The following OSBPL9 variants were observed in gnomAD, a reference collection of about 807,000 sequenced individuals.
The protein encoded by OSBPL9 is oxysterol binding protein like 9.
A neutral mutation model predicts 106.6 loss-of-function variants in OSBPL9; 40 were observed. The observed-to-expected ratio is 0.38, with a 90% CI of 0.29 to 0.49. The LOEUF (loss-of-function observed/expected upper bound fraction) is 0.49. OSBPL9 is among the 20% of genes least tolerant of loss of function. OSBPL9 has a pLI of 0.97. For missense variants in OSBPL9, 609 were observed against 887.2 expected (o/e 0.69, Z 3.98); for synonymous variants, 269 against 295.4 (o/e 0.91, Z 0.92).
the OSBPL9 span, among the ~76,000 whole-genome samples, chr1:51,538,143 T>G: frequency 6.6e-6 from 1 of 151,924 alleles, no homozygotes; most frequent in African/African-American, 2.4e-5. Flanking sequence ...AATACAAAAT[T>G]TAGCCGGGCA....
At chr1:51,569,995 C>T in the OSBPL9 span, among the ~76,000 whole-genome samples, 145 of 152,306 alleles carry the variant, frequency 9.5e-4, no homozygotes, top group Middle Eastern at 3.4e-3. Flanking sequence ...AGCAAGGAGC[C>T]AAGCTGGAAT....
intron 2 of OSBPL9, among the ~76,000 whole-genome samples, chr1:51,610,166 A>G (rs1643976597): frequency 2.0e-5 from 3 of 152,248 alleles, no homozygotes; most frequent in African/African-American, 7.2e-5. Context: ...TGTGGAACAT[A>G]GTAAAGGTAA....
chr1:51,786,358 CCACT>C (rs2149166003), intron 21 of OSBPL9, 164 bp from the exon 22 acceptor site: 1 of 573,590 alleles, frequency 1.7e-6, no homozygotes, highest in African/African-American at 1.9e-5. Context: ...GTACTACTGC[CCACT>C]CAGTGTTCTT....
rs1303398504 is a variant in OSBPL9 at position 51,638,660 on chromosome 1, A to G, written c.112-13331A>G. Among the ~76,000 whole-genome samples the G allele has an allele frequency of 2.6e-5, 4 of 152,178 alleles. No homozygotes were observed. The South Asian group carries it at 6.2e-4, about 24-fold the overall frequency. On this transcript the variant is annotated intron_variant, in intron 1 of 23. Transcript: ENST00000428468. ...TGAGGCAGGCAGATCCCTTGAGTTC[A>G]GGAGTTAGTGACCAGCCTGGGCAAC...
At chr1:51,740,045 T>A in intron 4 of OSBPL9, 1 of 1,446,910 alleles carries the variant, frequency 6.9e-7, no homozygotes, top group Non-Finnish European at 9.4e-7. Context: ...CTCTGTGTAG[T>A]TACAGATTTT....
chr1:51,696,516 C>G (rs1007475819), intron 3 of OSBPL9, among the ~76,000 whole-genome samples: 1 of 152,170 alleles, frequency 6.6e-6, no homozygotes, highest in Non-Finnish European at 1.5e-5. Context: ...TTCAGTGATT[C>G]TAGTCGTTGC....
chr1:51,643,059 TAA>T lies in OSBPL9; in HGVS notation c.112-8931_112-8930del, dbSNP rs201982661. ...AGCATAGTGTCTTCTTGCTGCTTCA[TAA>T]CATGGTGGAGGGCATCACATGGTGA... On this transcript the variant is annotated intron_variant, in intron 1 of 23. Coordinates refer to ENST00000428468, the MANE Select transcript of OSBPL9 (RefSeq NM_024586.6). Among the ~76,000 whole-genome samples the T allele has an allele frequency of 6.8e-3, 1,030 of 152,292 alleles. 2 individuals carry two copies. The highest frequency in any genetic ancestry group is 0.011 in the Non-Finnish European group (757 of 68,016).
upstream of OSBPL9, among the ~76,000 whole-genome samples, chr1:51,573,181 C>T (rs568076923): frequency 6.7e-6 from 1 of 150,142 alleles, no homozygotes; most frequent in African/African-American, 2.5e-5. Context: ...CACTACACTC[C>T]AGCCTGGGTG....
the OSBPL9 span, among the ~76,000 whole-genome samples, chr1:51,538,148 C>T: frequency 2.3e-4 from 35 of 152,062 alleles, no homozygotes; most frequent in East Asian, 1.2e-3. Context: ...AAAATTTAGC[C>T]GGGCATGGTA....
At chr1:51,761,433 T>G (rs1020509894) in intron 10 of OSBPL9, among the ~76,000 whole-genome samples, 2 of 152,212 alleles carry the variant, frequency 1.3e-5, no homozygotes, top group African/African-American at 4.8e-5. Context: ...TGGAAAACTC[T>G]TTTTAAAAGT....
At chr1:51,703,764 T>C (rs1657822815) in intron 3 of OSBPL9, among the ~76,000 whole-genome samples, 2 of 152,236 alleles carry the variant, frequency 1.3e-5, no homozygotes, top group African/African-American at 4.8e-5. Flanking sequence ...CAGTATGATA[T>C]TGGCTGTGGG....
chr1:51,664,777 T>G (rs1648030297), intron 2 of OSBPL9, among the ~76,000 whole-genome samples: 1 of 152,192 alleles, frequency 6.6e-6, no homozygotes, highest in Non-Finnish European at 1.5e-5. Flanking sequence ...ATCTTTGGAA[T>G]GGAGGGTTGG....
intron 1 of OSBPL9, among the ~76,000 whole-genome samples, chr1:51,638,824 A>AAAAATC (rs1645607304): frequency 1.3e-5 from 2 of 152,104 alleles, no homozygotes; most frequent in Admixed American, 1.3e-4. Context: ...AAATAAAAAT[A>AAAAATC]AAAATCTGAA....
the OSBPL9 span, among the ~76,000 whole-genome samples, chr1:51,550,323 A>G: frequency 2.6e-5 from 4 of 152,232 alleles, no homozygotes; most frequent in Admixed American, 2.6e-4. Context: ...AACAAGTGAC[A>G]ATTATTTAAA....
chr1:51,748,810 G>C (rs545055606), intron 7 of OSBPL9, among the ~76,000 whole-genome samples: 1 of 152,232 alleles, frequency 6.6e-6, no homozygotes, highest in East Asian at 1.9e-4. Flanking sequence ...GATTGGCCGG[G>C]CGCGGTGGCT....
chr1:51,567,111 C>T, the OSBPL9 span: 2 of 152,204 alleles, frequency 1.3e-5, no homozygotes, highest in Admixed American at 6.5e-5. Flanking sequence ...CTAAAATTGT[C>T]TTATCACTTC....
rs1269748506 is a variant in OSBPL9 at position 51,597,403 on chromosome 1, A to ATG, written c.-422-715_-422-714dup. Among the ~76,000 whole-genome samples the ATG allele has an allele frequency of 9.9e-4, 136 of 137,648 alleles. 1 individual carries two copies. Among genetic ancestry groups the ATG allele is most frequent in the South Asian group, 3.3e-3 (14 of 4,258 alleles). 90.3% of individuals were successfully genotyped at this position (137,648 alleles called of 152,430 possible). A position where few individuals can be genotyped will look rare whatever the true frequency, so the allele number is the denominator to read the frequency against. ...CATCAATCAGAGTCCTATGGAATATATGTGTGTATATATATATATATGTGT... is the reference window on the plus strand; with the variant it reads ...CATCAATCAGAGTCCTATGGAATATATGTGTGTGTATATATATATATATGTGT... On this transcript the variant is annotated intron_variant, in intron 1 of 25. Transcript: ENST00000371714.
At chr1:51,722,081 T>TC (rs1468828271) in intron 4 of OSBPL9, among the ~76,000 whole-genome samples, 1 of 152,194 alleles carries the variant, frequency 6.6e-6, no homozygotes, top group Non-Finnish European at 1.5e-5. Flanking sequence ...CCCAGCACTT[T>TC]GAGAGGCCAA....
At chr1:51,620,722 A>G (rs1644375063) in intron 1 of OSBPL9, among the ~76,000 whole-genome samples, 1 of 152,318 alleles carries the variant, frequency 6.6e-6, no homozygotes, top group African/African-American at 2.4e-5. Flanking sequence ...AGGACAGATA[A>G]TGAAAGGCTT....
Sources: gnomAD v4.1 joint callset for allele counts (sites outside exome capture counted in the v4.1 genomes callset) on GRCh38, gnomAD v4.1.1 for gene constraint, MANE v1.5 for transcripts, NCBI Gene and HGNC (gene_info 2026-07-23, HGNC 2026-07-21) for gene names.